FOXN3: variants seen among roughly 807,000 people sequenced by gnomAD.
FOXN3 encodes forkhead box protein N3.
Under a neutral mutation model 38.4 loss-of-function variants are expected in FOXN3, and 7 were observed. The observed-to-expected ratio is 0.18, with a 90% CI of 0.10 to 0.34. FOXN3 has a LOEUF of 0.34. Among genes scored for constraint, FOXN3 ranks in the 10% least tolerant of loss-of-function variants. The pLI, the probability that FOXN3 is intolerant of heterozygous loss-of-function variation, is 1.00. For missense variants in FOXN3, 456 were observed against 613.4 expected (o/e 0.74, Z 2.71); for synonymous variants, 230 against 242.2 (o/e 0.95, Z 0.47).
chr14:89,236,783 G>C (rs1205285598), intron 4 of FOXN3, among the ~76,000 whole-genome samples: 1 of 152,190 alleles, frequency 6.6e-6, no homozygotes, highest in African/African-American at 2.4e-5. Context: ...TTCTGGCCTG[G>C]AGGCCTCAGT....
intron 1 of FOXN3, among the ~76,000 whole-genome samples, chr14:89,547,854 T>G (rs1894916341): frequency 6.6e-6 from 1 of 152,228 alleles, no homozygotes; most frequent in Non-Finnish European, 1.5e-5. Flanking sequence ...TCTAGCTTAG[T>G]TGAGGGTCTT....
chr14:89,421,528 AT>A (rs1555353013), upstream of FOXN3, among the ~76,000 whole-genome samples: 23 of 144,780 alleles, frequency 1.6e-4, no homozygotes, highest in African/African-American at 2.8e-4. Context: ...ACCCAGGGAA[AT>A]TTTTTTTTTT....
intron 5 of FOXN3, among the ~76,000 whole-genome samples, chr14:89,172,265 G>C (rs1887409145): frequency 6.6e-6 from 1 of 152,152 alleles, no homozygotes; most frequent in African/African-American, 2.4e-5. Context: ...AGGAGGTTTT[G>C]TTGTTAAGAG....
intron 4 of FOXN3, among the ~76,000 whole-genome samples, chr14:89,250,412 G>A (rs1288766289): frequency 6.6e-6 from 1 of 152,148 alleles, no homozygotes; most frequent in Non-Finnish European, 1.5e-5. Context: ...CATCCAGCCT[G>A]GTTTTGTTTT....
chr14:89,457,456 G>A (rs76553307), intron 1 of FOXN3, among the ~76,000 whole-genome samples: 2 of 152,124 alleles, frequency 1.3e-5, no homozygotes, highest in Non-Finnish European at 2.9e-5. Flanking sequence ...GACAAATCCT[G>A]GCTCCACCAC....
intron 2 of FOXN3, among the ~76,000 whole-genome samples, chr14:89,367,377 G>A (rs1232688823): frequency 1.3e-5 from 2 of 152,182 alleles, no homozygotes; most frequent in African/African-American, 4.8e-5. Flanking sequence ...GGCGGCACCC[G>A]GCTCCAAAGA....
intron 4 of FOXN3, among the ~76,000 whole-genome samples, chr14:89,270,759 G>A (rs1201335215): frequency 6.6e-6 from 1 of 152,150 alleles, no homozygotes; most frequent in Non-Finnish European, 1.5e-5. Context: ...TCTTGCAAGA[G>A]GGATTTTTTT....
At chr14:89,226,399 A>C (rs556491957) in intron 4 of FOXN3, among the ~76,000 whole-genome samples, 107 of 152,080 alleles carry the variant, frequency 7.0e-4, no homozygotes, top group Admixed American at 1.8e-3. Flanking sequence ...ACAAGTTTTA[A>C]ATTTTTTATA....
At chr14:89,610,604 C>G (rs1596332499) in intron 1 of FOXN3, among the ~76,000 whole-genome samples, 1 of 152,228 alleles carries the variant, frequency 6.6e-6, no homozygotes, top group Non-Finnish European at 1.5e-5. Flanking sequence ...CAGGAAGGAT[C>G]TCATGAGGGT....
intron 1 of FOXN3, among the ~76,000 whole-genome samples, chr14:89,611,603 G>A (rs1028795261): frequency 5.3e-5 from 8 of 152,176 alleles, no homozygotes; most frequent in South Asian, 2.1e-4. Context: ...TCAGGAGATC[G>A]AGACCATCCT....
intron 4 of FOXN3, among the ~76,000 whole-genome samples, chr14:89,236,879 G>C (rs1185246926): frequency 6.6e-6 from 1 of 152,160 alleles, no homozygotes; most frequent in Non-Finnish European, 1.5e-5. Context: ...AGCTGACCTG[G>C]AGAAATTCCA....
intron 2 of FOXN3, among the ~76,000 whole-genome samples, chr14:89,403,241 G>A (rs1471902653): frequency 2.0e-5 from 3 of 151,122 alleles, no homozygotes; most frequent in African/African-American, 4.9e-5. Flanking sequence ...TCACTCTGTC[G>A]CCCAGGCTGG....
Position 89,560,205 on chromosome 14 carries a change from G to C in FOXN3, c.-15+58823C>G, listed in dbSNP as rs115222816. ...TGTGGGAACTCACTCACTATCATGA[G>C]AACTGCAAGAGGGAAATTTGCCCCC... On this transcript the variant is annotated intron_variant, in intron 1 of 6. Transcript: ENST00000345097. Among the ~76,000 whole-genome samples the C allele has an allele frequency of 9.3e-3, 1,412 of 152,246 alleles. 21 individuals are homozygous for C. The highest frequency in any genetic ancestry group is 0.032 in the African/African-American group (1,319 of 41,532).
chr14:89,468,760 T>C, intron 1 of FOXN3, among the ~76,000 whole-genome samples: 1 of 152,166 alleles, frequency 6.6e-6, no homozygotes, highest in East Asian at 1.9e-4. Flanking sequence ...AGTCCCCTGG[T>C]GGTGAATATC....
chr14:89,549,611 G>C (rs778780723), intron 1 of FOXN3, among the ~76,000 whole-genome samples: 1 of 152,102 alleles, frequency 6.6e-6, no homozygotes, highest in Non-Finnish European at 1.5e-5. Context: ...TCCAAGGTGG[G>C]GGCGGGGTGA....
rs147108042 is a variant in FOXN3 at position 89,436,406 on chromosome 14, A to G, written c.-14-23916T>C. On this transcript the variant is annotated intron_variant, in intron 1 of 6. Coordinates refer to the FOXN3 transcript ENST00000345097. Reference sequence around the variant, plus strand: ...TAATTTAATGAAGCAACTGTGACCTAGAAAACAAAGTGACGTAGGGTCACA... The same window carrying G: ...TAATTTAATGAAGCAACTGTGACCTGGAAAACAAAGTGACGTAGGGTCACA... Among the ~76,000 whole-genome samples the G allele has an allele frequency of 4.0e-3, 611 of 152,264 alleles. 3 individuals are homozygous for G. Among genetic ancestry groups the G allele is most frequent in the African/African-American group, 0.014 (580 of 41,560 alleles).
chr14:89,210,299 C>G (rs1888488136), intron 4 of FOXN3, among the ~76,000 whole-genome samples: 1 of 152,148 alleles, frequency 6.6e-6, no homozygotes, highest in South Asian at 2.1e-4. Context: ...TGCCCCCGCC[C>G]CTCTCACCCT....
intron 1 of FOXN3, among the ~76,000 whole-genome samples, chr14:89,568,976 G>A (rs544667892): frequency 1.7e-4 from 26 of 152,286 alleles, no homozygotes; most frequent in East Asian, 7.7e-4. Context: ...AGGCCAAGGC[G>A]GGCAGATCAC....
chr14:89,448,490 C>T (rs909188752), intron 1 of FOXN3, among the ~76,000 whole-genome samples: 3 of 152,150 alleles, frequency 2.0e-5, no homozygotes, highest in African/African-American at 7.2e-5. Flanking sequence ...AGGATACAAA[C>T]GTGATCACCA....
Sources: allele counts gnomAD v4.1 joint callset (sites outside exome capture counted in the v4.1 genomes callset), GRCh38; gene constraint gnomAD v4.1.1; transcripts MANE v1.5; gene names NCBI Gene and HGNC (gene_info 2026-07-23, HGNC 2026-07-21).